Variants in BTN1A1 observed in about 807,000 individuals in gnomAD.
BTN1A1 encodes butyrophilin subfamily 1 member A1.
BTN1A1 carries 26 observed loss-of-function variants against 33.1 expected under a neutral mutation model. The ratio of observed to expected loss-of-function variants is 0.79; its 90% confidence interval spans 0.58 to 1.09. The LOEUF (loss-of-function observed/expected upper bound fraction) is 1.09. BTN1A1 is among the 50% of genes least tolerant of loss of function. The pLI is 0.00. For synonymous variants in BTN1A1, 235 were observed against 256.2 expected, an observed-to-expected ratio of 0.92 and a Z score of 0.79; for missense variants, 558 against 655.7, an observed-to-expected ratio of 0.85 and a Z score of 1.63.
chr6:26,502,011 G>A, intron 3 of BTN1A1, 74 bp downstream of exon 3: 2 of 1,469,790 alleles, frequency 1.4e-6, no homozygotes, highest in East Asian at 4.7e-5. Context: ...AGTTACTTTG[G>A]AAACCATCAG....
At chr6:26,503,675 T>C (rs1179150120) in intron 3 of BTN1A1, among the ~76,000 whole-genome samples, 1 of 149,500 alleles carries the variant, frequency 6.7e-6, no homozygotes, top group Non-Finnish European at 1.5e-5. Context: ...TATATATACA[T>C]AGATATATAT....
Position 26,505,188 on chromosome 6 carries a change from G to T in BTN1A1, c.691G>T (p.Val231Leu), listed in dbSNP as rs774730684. The change falls in exon 4 of 8, where the codon GTA (valine) becomes TTA (leucine). Residue 231 changes from valine to leucine, a missense_variant. Physicochemically the swap from Val to Leu is conservative, Grantham distance 32 (BLOSUM62 1). Transcript: ENST00000684113. ...QNLLLGQEKK[V>L]EISIPASSLP... is the part of the protein sequence containing the mutation. ...TCTCCTTCTTGGCCAGGAGAAGAAAGTAGAAATATCCATACCAGGTTAGTG... is the reference window on the plus strand; with the variant it reads ...TCTCCTTCTTGGCCAGGAGAAGAAATTAGAAATATCCATACCAGGTTAGTG... The T allele has an allele frequency of 1.3e-5, 21 of 1,613,724 alleles. No homozygotes were observed. The East Asian group carries it at 4.7e-4, about 36-fold the overall frequency.
chr6:26,506,531 T>C (rs1763872104), intron 4 of BTN1A1, 152 bp from the exon 5 acceptor site: 4 of 727,808 alleles, frequency 5.5e-6, no homozygotes, highest in Middle Eastern at 4.1e-4. Flanking sequence ...TCTGAAAAGT[T>C]TAGAGTGGCA....
chr6:26,509,740 G>A lies in BTN1A1; in HGVS notation c.*566G>A, dbSNP rs1423878360. 6.5e-6 allele frequency: 1 copy of A among 153,794 alleles called. No homozygotes were observed. The highest frequency in any genetic ancestry group is 2.4e-5 in the African/African-American group (1 of 41,444). The allele number at this position is 153,794 out of a possible 1,614,324, so 9.5% of individuals were successfully genotyped here. ...AAATTTTCTAAGCCACGTCCTATAG[G>A]ACAGAGGAGACTGGCCCCACTTCTA... On this transcript the variant is annotated 3_prime_UTR_variant, in exon 8 of 8. Transcript: ENST00000684113.
rs775994770 is a variant in BTN1A1 at position 26,501,307 on chromosome 6, C to T, written c.21C>T (p.Ser7=). 3.1e-6 allele frequency: 5 copies of T among 1,614,120 alleles called. No individual in the cohort carries two copies. The highest frequency in any genetic ancestry group is 4.2e-6 in the Non-Finnish European group (5 of 1,180,016). Residue 7 remains serine (S), a synonymous_variant, in exon 2 of 8, where the codon TCC becomes TCT. Transcript: ENST00000684113. This position sits in a 1 kb window ranked among gnomAD's most constrained non-coding sequence, Gnocchi z 5.2. ...GGGAGATGGCAGTTTTCCCAAGCTC[C>T]GGTCTCCCCAGATGTCTGCTCACCC... The part of the protein sequence containing the change: MAVFPS[S]GLPRCLLTLI...
chr6:26,507,370 T>G (rs778800101), intron 5 of BTN1A1, among the ~76,000 whole-genome samples: 2 of 152,150 alleles, frequency 1.3e-5, no homozygotes, highest in Non-Finnish European at 2.9e-5. Flanking sequence ...GTTTACTCAC[T>G]ACCCACCCTC....
chr6:26,506,889 A>G (rs1581430341), intron 5 of BTN1A1, 57 bp downstream of exon 5: 3 of 1,581,744 alleles, frequency 1.9e-6, no homozygotes, highest in Non-Finnish European at 2.6e-6. Flanking sequence ...GGCAGGCTGG[A>G]TCCAAGTCCT....
chr6:26,500,474 C>A (rs1221305973), intron 1 of BTN1A1, among the ~76,000 whole-genome samples, 116 bp downstream of exon 1: 1 of 152,122 alleles, frequency 6.6e-6, no homozygotes, highest in Non-Finnish European at 1.5e-5. Context: ...ACTCTTCAAG[C>A]CCTTTTGCTT....
chr6:26,508,598 T>C lies in BTN1A1; in HGVS notation c.1005T>C (p.Pro335=), dbSNP rs1763902381. ...TGGAAGATTCACGTCAGAAACTGCC[T>C]GAGAAAACAGAGAGATTTGACTCCT... ...VRLEDSRQKL[P]EKTERFDSWP... The change falls in exon 8 of 8, where the codon CCT becomes CCC. Residue 335 remains proline (P), a synonymous_variant. Transcript: ENST00000684113. The C allele has an allele frequency of 1.2e-6, 2 of 1,614,052 alleles. No individual in the cohort carries two copies. Among genetic ancestry groups the C allele is most frequent in the Non-Finnish European group, 8.5e-7 (1 of 1,180,032 alleles).
Position 26,506,744 on chromosome 6 carries a change from A to T in BTN1A1, c.771A>T (p.Leu257=). Reference sequence around the variant, plus strand: ...CTGTGGCTGTCATCCTGATGGTTCTAGGACTTCTCACCATTGGGTCCATAT... The same window carrying T: ...CTGTGGCTGTCATCCTGATGGTTCTTGGACTTCTCACCATTGGGTCCATAT... ...IVAVAVILMV[L]GLLTIGSIFF... is the part of the protein sequence containing the mutation. The change falls in exon 5 of 8, where the codon CTA becomes CTT. Residue 257 remains leucine (L), a synonymous_variant. Transcript: ENST00000684113. The T allele has an allele frequency of 6.2e-7, 1 of 1,614,092 alleles. No homozygotes were observed. Among genetic ancestry groups the T allele is most frequent in the Non-Finnish European group, 8.5e-7 (1 of 1,180,004 alleles).
In BTN1A1 at chr6:26,501,373, T is replaced by A; in HGVS notation, c.79+8T>A. ...TGCCCAAACTGGATTCAGGTAAGTC[T>A]CTCTCTCTCTCTGGGCTGCATAGTT... is the stretch of plus-strand genomic sequence containing the variant. On this transcript the variant is annotated splice_region_variant and intron_variant, in intron 2 of 7. Coordinates refer to ENST00000684113, the MANE Select transcript of BTN1A1 (RefSeq NM_001732.3). The surrounding 1 kb of genome is among the most constrained non-coding windows in gnomAD (Gnocchi z 5.2). 1 of 1,601,068 alleles carries A rather than the reference T, an allele frequency of 6.2e-7. No individual in the cohort carries two copies. The highest frequency in any genetic ancestry group is 8.6e-7 in the Non-Finnish European group (1 of 1,169,016).
At position 26,509,189 on chromosome 6, in the gene BTN1A1, C is replaced by A; in HGVS notation, c.*15C>A. 6.3e-7 allele frequency: 1 copy of A among 1,588,826 alleles called. No homozygotes were observed. The highest frequency in any genetic ancestry group is 8.6e-7 in the Non-Finnish European group (1 of 1,165,398). ...GGGCACCTTAAGGAATATCTCAGCT[C>A]ATCTGTTTTCCTTTCCTCTAACCCC... On this transcript the variant is annotated 3_prime_UTR_variant, in exon 8 of 8. Coordinates refer to ENST00000684113, the MANE Select transcript of BTN1A1 (RefSeq NM_001732.3).
intron 5 of BTN1A1, among the ~76,000 whole-genome samples, chr6:26,507,050 A>G (rs1763879844): frequency 6.6e-6 from 1 of 152,156 alleles, no homozygotes; most frequent in Non-Finnish European, 1.5e-5. Flanking sequence ...GCAAAACTCC[A>G]TCTCGACTAA....
chr6:26,502,438 T>G (rs560643685), intron 3 of BTN1A1, among the ~76,000 whole-genome samples: 5 of 152,306 alleles, frequency 3.3e-5, no homozygotes, highest in African/African-American at 1.2e-4. Flanking sequence ...TGTTTTCCCC[T>G]GATTAGGACT....
intron 7 of BTN1A1, 135 bp from the exon 8 acceptor site, chr6:26,508,366 G>T: frequency 9.3e-7 from 1 of 1,077,302 alleles, no homozygotes; most frequent in Non-Finnish European, 1.3e-6. Flanking sequence ...AGACCCCTGA[G>T]CAGGCCAAAC....
rs555733168 is a variant in BTN1A1 at position 26,505,238 on chromosome 6, G to A, written c.709+32G>A. On this transcript the variant is annotated intron_variant, in intron 4 of 7. Transcript: ENST00000684113. The stretch of plus-strand genomic sequence containing the variant: ...GGAACCAATGCTGCTGGATTCCTAT[G>A]TTGACACAGCTTCAGAGCCACACCA... 5.0e-6 allele frequency: 8 copies of A among 1,596,060 alleles called. No homozygotes were observed. The Admixed American group carries it at 1.3e-4, about 27-fold the overall frequency.
chr6:26,501,431 CCA>C lies in BTN1A1; in HGVS notation c.79+68_79+69del. ...ATCAATAAATGTAAAATAAACAATCCCACTTGGCTCTCCCTGGAGACCTCCAC... is the reference window on the plus strand; with the variant it reads ...ATCAATAAATGTAAAATAAACAATCCCTTGGCTCTCCCTGGAGACCTCCAC... On this transcript the variant is annotated intron_variant, in intron 2 of 7. Transcript: ENST00000684113. The surrounding 1 kb of genome is among the most constrained non-coding windows in gnomAD (Gnocchi z 5.2). 1 of 1,577,580 alleles carries C rather than the reference CCA, an allele frequency of 6.3e-7. No individual in the cohort carries two copies. Among genetic ancestry groups the C allele is most frequent in the South Asian group, 1.1e-5 (1 of 90,006 alleles).
In BTN1A1 at chr6:26,509,144, C is replaced by T; in HGVS notation, c.1551C>T (p.Ile517=). ...CAGACACTCTCCATTCTAAGCTAAT[C>T]CCTACCCAACCCAGCCAAGGGGCAC... ...RDADTLHSKL[I]PTQPSQGAP Residue 517 remains isoleucine, a synonymous_variant, in exon 8 of 8, where the codon ATC becomes ATT. Coordinates refer to ENST00000684113, the MANE Select transcript of BTN1A1 (RefSeq NM_001732.3). The T allele has an allele frequency of 6.2e-7, 1 of 1,612,744 alleles. No individual in the cohort carries two copies. The highest frequency in any genetic ancestry group is 1.1e-5 in the South Asian group (1 of 90,902).
Position 26,508,636 on chromosome 6 carries a change from T to C in BTN1A1, c.1043T>C (p.Leu348Ser). The change falls in exon 8 of 8, where the codon TTG (leucine) becomes TCG (serine). Residue 348 changes from leucine (L) to serine (S), a missense_variant. Transcript: ENST00000684113. The part of the protein sequence containing the change: ...TERFDSWPCV[L>S]GRETFTSGRH... ...AGATTTGACTCCTGGCCCTGTGTGT[T>C]GGGCCGTGAGACCTTCACCTCAGGA... 2 of 1,614,168 alleles carry C rather than the reference T, an allele frequency of 1.2e-6. No homozygotes were observed. Among genetic ancestry groups the C allele is most frequent in the Non-Finnish European group, 1.7e-6 (2 of 1,180,034 alleles).
Sources: allele counts gnomAD v4.1 joint callset (sites outside exome capture counted in the v4.1 genomes callset), GRCh38; gene constraint gnomAD v4.1.1; non-coding constraint Gnocchi (gnomAD v3.1); transcripts MANE v1.5; gene names NCBI Gene and HGNC (gene_info 2026-07-23, HGNC 2026-07-21).